Variants in CFAP61 observed in about 807,000 individuals in gnomAD.
The protein encoded by CFAP61 is cilia- and flagella-associated protein 61.
In CFAP61, 107 loss-of-function variants were observed where a neutral mutation model predicts 135.6. The ratio of observed to expected loss-of-function variants is 0.79; its 90% CI spans 0.67 to 0.93. The LOEUF (loss-of-function observed/expected upper bound fraction) is 0.93, where lower values mean the gene tolerates loss of function less well. Ranked by LOEUF, CFAP61 falls within the 40% of genes least tolerant of loss-of-function variation. CFAP61 has a pLI of 0.00. For missense variants in CFAP61, 1,507 were observed against 1,556.2 expected, an observed-to-expected ratio of 0.97 and a Z score of 0.53; for synonymous variants, 575 against 578.5, an observed-to-expected ratio of 0.99 and a Z score of 0.09.
chr20:20,128,898 C>G (rs1683507560), intron 8 of CFAP61, among the ~76,000 whole-genome samples: 2 of 151,550 alleles, frequency 1.3e-5, no homozygotes, highest in South Asian at 4.1e-4. Flanking sequence ...TAGAAAAAAG[C>G]TCTATACTTT....
intron 8 of CFAP61, among the ~76,000 whole-genome samples, chr20:20,123,539 G>A (rs2049833275): frequency 6.6e-6 from 1 of 151,494 alleles, no homozygotes; most frequent in Admixed American, 6.6e-5. Context: ...TTTTTGTTTT[G>A]TCAAAGATCA....
intron 6 of CFAP61, chr20:20,085,584 A>G (rs1401606737): frequency 2.4e-6 from 3 of 1,248,944 alleles, no homozygotes; most frequent in African/African-American, 1.5e-5. Flanking sequence ...GTTCATGAGC[A>G]GGCCTAGGGC....
At chr20:20,052,749 A>G (rs1449884859) in intron 1 of CFAP61, 158 bp downstream of exon 1, 2 of 1,570,130 alleles carry the variant, frequency 1.3e-6, no homozygotes, top group Admixed American at 3.7e-5. Context: ...ACGGAGCTCC[A>G]ATCTGGATGC....
At chr20:20,239,718 A>C (rs957376837) in intron 18 of CFAP61, among the ~76,000 whole-genome samples, 1 of 152,194 alleles carries the variant, frequency 6.6e-6, no homozygotes, top group African/African-American at 2.4e-5. Context: ...CGGGATCTTA[A>C]TGAGTCTGAT....
At chr20:20,162,758 A>G (rs1194503776) in intron 10 of CFAP61, among the ~76,000 whole-genome samples, 2 of 152,252 alleles carry the variant, frequency 1.3e-5, no homozygotes, top group African/African-American at 4.8e-5. Flanking sequence ...ACACTTGGCA[A>G]ATCTGATAAA....
At chr20:20,330,780 T>A (rs900706357) in intron 25 of CFAP61, among the ~76,000 whole-genome samples, 2 of 152,150 alleles carry the variant, frequency 1.3e-5, no homozygotes, top group Non-Finnish European at 2.9e-5. Flanking sequence ...CTGTAATCTC[T>A]TATCCCTCCC....
chr20:20,214,813 C>T (rs1180631383), intron 17 of CFAP61, among the ~76,000 whole-genome samples: 2 of 152,228 alleles, frequency 1.3e-5, no homozygotes, highest in Non-Finnish European at 2.9e-5. Flanking sequence ...CTGCAGACAT[C>T]CTGCCCTCTG....
rs117673371 is a variant in CFAP61, at chr20:20,192,412, G to A, written c.1590+993G>A. Among the ~76,000 whole-genome samples the A allele has an allele frequency of 4.5e-4, 68 of 152,214 alleles. No individual in the cohort carries two copies. The East Asian group carries it at 8.1e-3, about 18-fold the overall frequency. ...GGGTACCTTTGCCTTTTGGCTGCCC[G>A]TTGGGTTTGGTGGATGGAGAGCCCT... On this transcript the variant is annotated intron_variant, in intron 15 of 26. Coordinates refer to ENST00000245957, the MANE Select transcript of CFAP61 (RefSeq NM_015585.4).
chr20:20,265,274 A>G (rs1343920979), intron 21 of CFAP61: 2 of 718,704 alleles, frequency 2.8e-6, no homozygotes, highest in Admixed American at 4.0e-5. Context: ...GCTAGGGAGC[A>G]TTTGACCAAG....
chr20:20,158,564 A>G (rs1365352760), intron 9 of CFAP61, among the ~76,000 whole-genome samples: 1 of 152,212 alleles, frequency 6.6e-6, no homozygotes, highest in Admixed American at 6.5e-5. Flanking sequence ...TCAGCAACAA[A>G]GAGGACTAAA....
chr20:20,328,870 A>G (rs1376006099), intron 25 of CFAP61, among the ~76,000 whole-genome samples: 1 of 152,194 alleles, frequency 6.6e-6, no homozygotes, highest in Non-Finnish European at 1.5e-5. Flanking sequence ...GCTCTCTGAA[A>G]TAACAGGAGC....
chr20:20,127,537 G>T (rs562357084), intron 8 of CFAP61, among the ~76,000 whole-genome samples: 1 of 151,546 alleles, frequency 6.6e-6, no homozygotes, highest in Non-Finnish European at 1.5e-5. Flanking sequence ...GGGCTGGTAC[G>T]GGGGGTTGTC....
intron 18 of CFAP61, among the ~76,000 whole-genome samples, chr20:20,235,116 G>T: frequency 6.6e-6 from 1 of 152,136 alleles, no homozygotes; most frequent in Non-Finnish European, 1.5e-5. Flanking sequence ...AGCCGGAGGT[G>T]CTTCCCACCC....
At chr20:20,217,183 C>T (rs1038102938) in intron 17 of CFAP61, among the ~76,000 whole-genome samples, 13 of 152,190 alleles carry the variant, frequency 8.5e-5, no homozygotes, top group Non-Finnish European at 1.5e-5. Flanking sequence ...AATCATTGTG[C>T]ATTGCTTTTA....
intron 17 of CFAP61, among the ~76,000 whole-genome samples, chr20:20,207,860 T>C (rs6081920): frequency 0.12 from 17,540 of 152,262 alleles, 1,062 homozygotes; most frequent in Non-Finnish European, 0.13. Flanking sequence ...TGGATTATTT[T>C]CTGTGAAAAA....
chr20:20,256,419 C>T (rs1374669959), intron 20 of CFAP61, among the ~76,000 whole-genome samples: 1 of 151,894 alleles, frequency 6.6e-6, no homozygotes, highest in East Asian at 1.9e-4. Flanking sequence ...CACACACACA[C>T]ACACACACAC....
chr20:20,100,957 G>A (rs1304271651), intron 8 of CFAP61, among the ~76,000 whole-genome samples: 1 of 152,182 alleles, frequency 6.6e-6, no homozygotes, highest in Non-Finnish European at 1.5e-5. Flanking sequence ...CTTATCTTCT[G>A]TGCCTTGTTT....
At chr20:20,235,767 G>T (rs1197335093) in intron 18 of CFAP61, among the ~76,000 whole-genome samples, 1 of 152,154 alleles carries the variant, frequency 6.6e-6, no homozygotes, top group Non-Finnish European at 1.5e-5. Context: ...ATTTGATGTT[G>T]GGTGGAAATT....
At chr20:20,304,158 G>A (rs2056290218) in intron 25 of CFAP61, among the ~76,000 whole-genome samples, 1 of 152,116 alleles carries the variant, frequency 6.6e-6, no homozygotes, top group Non-Finnish European at 1.5e-5. Flanking sequence ...CGAAGTGTCT[G>A]CGGCCCAGGC....
Sources: allele counts gnomAD v4.1 joint callset (sites outside exome capture counted in the v4.1 genomes callset), GRCh38; gene constraint gnomAD v4.1.1; transcripts MANE v1.5; gene names NCBI Gene and HGNC (gene_info 2026-07-23, HGNC 2026-07-21).